The following FOCAD variants were observed in gnomAD, a reference collection of about 807,000 sequenced individuals.
FOCAD encodes KIAA1797.
In FOCAD, 198 loss-of-function variants were observed where a neutral mutation model predicts 225.6. The ratio of observed to expected loss-of-function variants is 0.88; its 90% confidence interval spans 0.78 to 0.99. FOCAD has a LOEUF of 0.99. Among genes scored for constraint, FOCAD ranks in the 50% least tolerant of loss-of-function variants. The pLI is 0.00. For synonymous variants in FOCAD, 897 were observed against 755.0 expected (o/e 1.19, Z -3.08); for missense variants, 2,713 against 2,123.6 (o/e 1.28, Z -5.46).
At chr9:20,776,123 G>A (rs1818731459) in intron 8 of FOCAD, among the ~76,000 whole-genome samples, 1 of 152,172 alleles carries the variant, frequency 6.6e-6, no homozygotes, top group Admixed American at 6.5e-5. Flanking sequence ...GTAGGCTACT[G>A]CTACTAGTTG....
At chr9:20,972,887 C>G (rs1839885740) in intron 35 of FOCAD, among the ~76,000 whole-genome samples, 1 of 152,116 alleles carries the variant, frequency 6.6e-6, no homozygotes, top group South Asian at 2.1e-4. Flanking sequence ...GCTGACTTTC[C>G]TTTATTCTGG....
At chr9:20,993,843 T>G (rs985181437) in intron 43 of FOCAD, among the ~76,000 whole-genome samples, 1 of 152,206 alleles carries the variant, frequency 6.6e-6, no homozygotes, top group African/African-American at 2.4e-5. Context: ...AATTTACCAT[T>G]TATTTAAATG....
At chr9:20,943,022 A>G (rs546949890) in intron 28 of FOCAD, among the ~76,000 whole-genome samples, 19 of 152,222 alleles carry the variant, frequency 1.2e-4, no homozygotes, top group Non-Finnish European at 2.6e-4. Flanking sequence ...GTCTAATTAT[A>G]TCTTTGGTCT....
chr9:20,986,153 G>C (rs1841131476), intron 39 of FOCAD, 135 bp from the exon 40 acceptor site: 1 of 758,520 alleles, frequency 1.3e-6, no homozygotes, highest in East Asian at 3.2e-5. Context: ...ACAGGCAGAT[G>C]GGTCATGTGC....
chr9:20,819,847 C>G lies in FOCAD; in HGVS notation c.1507C>G (p.Pro503Ala), dbSNP rs753416369. ...LMFKLGRPLE[P>A]ILYNDILYTL... is the part of the protein sequence containing the mutation. Reference sequence around the variant, plus strand: ...GTTCAAATTGGGAAGACCACTGGAACCTATATTATATAATGATATATTGTA... The same window carrying G: ...GTTCAAATTGGGAAGACCACTGGAAGCTATATTATATAATGATATATTGTA... Residue 503 changes from proline to alanine, a missense_variant, in exon 12 of 44, where the codon CCT (proline) becomes GCT (alanine). Pro to Ala is a conservative substitution (Grantham distance 27). Coordinates refer to ENST00000338382, the MANE Select transcript of FOCAD (RefSeq NM_001375567.1). The G allele has an allele frequency of 1.8e-5, 28 of 1,544,588 alleles. No homozygotes were observed. The Middle Eastern group carries it at 5.3e-4, about 29-fold the overall frequency.
At chr9:20,704,762 A>G (rs1824244559) in intron 1 of FOCAD, among the ~76,000 whole-genome samples, 1 of 152,164 alleles carries the variant, frequency 6.6e-6, no homozygotes, top group African/African-American at 2.4e-5. Flanking sequence ...CCCTTTAGTG[A>G]TGGATTTCTA....
At chr9:20,733,727 C>A (rs943708843) in intron 4 of FOCAD, among the ~76,000 whole-genome samples, 2 of 152,196 alleles carry the variant, frequency 1.3e-5, no homozygotes, top group South Asian at 2.1e-4. Flanking sequence ...CTGGGCCAGG[C>A]ACAGTGGCTC....
intron 8 of FOCAD, among the ~76,000 whole-genome samples, chr9:20,775,734 G>T (rs914808795): frequency 6.6e-6 from 1 of 152,172 alleles, no homozygotes; most frequent in Non-Finnish European, 1.5e-5. Context: ...CATAGGTGAT[G>T]TTTAGTGCTA....
chr9:20,876,862 C>G (rs1680942264), intron 19 of FOCAD, among the ~76,000 whole-genome samples: 2 of 152,138 alleles, frequency 1.3e-5, no homozygotes, highest in Admixed American at 6.6e-5. Context: ...AATCCTGCCC[C>G]TTTCTCCTTT....
At chr9:20,703,253 A>G (rs914007380) in intron 1 of FOCAD, among the ~76,000 whole-genome samples, 1 of 152,094 alleles carries the variant, frequency 6.6e-6, no homozygotes, top group Non-Finnish European at 1.5e-5. Flanking sequence ...TATTTGAACA[A>G]TTGAACAAGT....
chr9:20,961,130 T>A (rs1308026699), intron 35 of FOCAD, among the ~76,000 whole-genome samples: 1 of 151,742 alleles, frequency 6.6e-6, no homozygotes, highest in Non-Finnish European at 1.5e-5. Context: ...CTGTAAGAAA[T>A]GGCTCCTCTC....
intron 15 of FOCAD, among the ~76,000 whole-genome samples, chr9:20,831,582 A>T (rs1825496879): frequency 6.6e-6 from 1 of 152,094 alleles, no homozygotes; most frequent in African/African-American, 2.4e-5. Context: ...AAGACACATC[A>T]ACAGAATATT....
chr9:20,842,852 A>C (rs1041026242), intron 15 of FOCAD, among the ~76,000 whole-genome samples: 5 of 151,842 alleles, frequency 3.3e-5, no homozygotes, highest in African/African-American at 1.2e-4. Flanking sequence ...AATATATTTT[A>C]AATTTTTACT....
At chr9:20,782,993 C>A (rs1446801513) in intron 10 of FOCAD, among the ~76,000 whole-genome samples, 1 of 152,188 alleles carries the variant, frequency 6.6e-6, no homozygotes, top group Admixed American at 6.6e-5. Flanking sequence ...AATAGGAGTA[C>A]AAAATCCGAT....
intron 15 of FOCAD, among the ~76,000 whole-genome samples, chr9:20,845,088 A>G (rs1434623853): frequency 2.0e-5 from 3 of 152,084 alleles, no homozygotes; most frequent in Admixed American, 1.3e-4. Context: ...CTGCTTCTTT[A>G]TGAGACATTT....
intron 25 of FOCAD, among the ~76,000 whole-genome samples, chr9:20,924,879 A>G (rs1450683843): frequency 6.6e-6 from 1 of 152,230 alleles, no homozygotes; most frequent in African/African-American, 2.4e-5. Flanking sequence ...TCAGTCATTT[A>G]TTATCCTCAT....
chr9:20,932,277 C>T (rs1418709041), intron 27 of FOCAD, among the ~76,000 whole-genome samples: 1 of 152,086 alleles, frequency 6.6e-6, no homozygotes, highest in African/African-American at 2.4e-5. Flanking sequence ...AAAAAGTGCT[C>T]TCTGCCTGGT....
intron 6 of FOCAD, among the ~76,000 whole-genome samples, chr9:20,760,407 A>G (rs965601433): frequency 6.6e-6 from 1 of 152,256 alleles, no homozygotes; most frequent in African/African-American, 2.4e-5. Flanking sequence ...TATATGATGC[A>G]GTTCCAATCT....
chr9:20,949,777 A>G (rs1837521368), intron 33 of FOCAD, 102 bp downstream of exon 33: 2 of 1,022,372 alleles, frequency 2.0e-6, no homozygotes, highest in Admixed American at 3.8e-5. Flanking sequence ...AAAATGGGAA[A>G]GTCTCTGGTT....
Sources: allele counts gnomAD v4.1 joint callset (sites outside exome capture counted in the v4.1 genomes callset), GRCh38; gene constraint gnomAD v4.1.1; transcripts MANE v1.5; gene names NCBI Gene and HGNC (gene_info 2026-07-23, HGNC 2026-07-21).